Variants in COL4A2 observed in about 807,000 individuals in gnomAD.
COL4A2 encodes the protein collagen alpha-2(IV) chain.
Under a neutral mutation model 200.2 loss-of-function variants are expected in COL4A2, and 99 were observed. The observed-to-expected ratio is 0.49, with a 90% CI of 0.42 to 0.58. The LOEUF is 0.58. Ranked by LOEUF, COL4A2 falls within the 20% of genes least tolerant of loss-of-function variation. The pLI is 0.00. For synonymous variants in COL4A2, 897 were observed against 900.6 expected, an observed-to-expected ratio of 1.00 and a Z score of 0.07; for missense variants, 1,950 against 2,314.1, an observed-to-expected ratio of 0.84 and a Z score of 3.23.
chr13:110,317,556 TA>T (rs113880865), intron 3 of COL4A2, among the ~76,000 whole-genome samples: 14,720 of 152,112 alleles, frequency 0.097, 856 homozygotes, highest in Middle Eastern at 0.23. Flanking sequence ...GGTGACTGAG[TA>T]GCCTCATGAA....
Position 110,499,704 on chromosome 13 carries a change from G to A in COL4A2, c.3761-1964G>A, listed in dbSNP as rs985463413. ...ACTCTTTTATGTCAGTACTTAGGACGATCCATGGGGGCTACTGAGAAATCA... is the reference window on the plus strand; with the variant it reads ...ACTCTTTTATGTCAGTACTTAGGACAATCCATGGGGGCTACTGAGAAATCA... On this transcript the variant is annotated intron_variant, in intron 40 of 47. Transcript: ENST00000360467. Among the ~76,000 whole-genome samples, 3 of 152,172 alleles carry A rather than the reference G, an allele frequency of 2.0e-5. No homozygotes were observed. In the East Asian group the frequency reaches 5.8e-4, roughly 29 times the overall value.
In COL4A2 at chr13:110,424,984, C is replaced by T. The variant is rs777200276; in HGVS notation, c.347C>T (p.Ala116Val). Residue 116 changes from alanine (A) to valine (V), a missense_variant, in exon 6 of 48, where the codon GCC becomes GTC. By Grantham distance (64) the Ala-to-Val change is moderately conservative (BLOSUM62 0). Coordinates refer to ENST00000360467, the MANE Select transcript of COL4A2 (RefSeq NM_001846.4). Reference protein sequence around the residue: ...GARGVSGFPGADGIPGHPGQG... With the variant: ...GARGVSGFPGVDGIPGHPGQG... Reference sequence around the variant, plus strand: ...AGAGGCGTTTCTGGATTCCCTGGTGCCGATGGAATTCCTGTAAGTTTTATG... The same window carrying T: ...AGAGGCGTTTCTGGATTCCCTGGTGTCGATGGAATTCCTGTAAGTTTTATG... 1 of 1,614,150 alleles carries T rather than the reference C, an allele frequency of 6.2e-7. No individual in the cohort carries two copies. Among genetic ancestry groups the T allele is most frequent in the Admixed American group, 1.7e-5 (1 of 60,020 alleles).
intron 3 of COL4A2, among the ~76,000 whole-genome samples, chr13:110,313,024 A>C (rs1208709545): frequency 6.6e-6 from 1 of 152,162 alleles, no homozygotes; most frequent in East Asian, 1.9e-4. Flanking sequence ...GGGATGAGAA[A>C]GCCCTTCCAG....
intron 27 of COL4A2, 40 bp from the exon 28 acceptor site, chr13:110,469,177 G>T (rs1442303484): frequency 5.7e-5 from 88 of 1,554,420 alleles, no homozygotes; most frequent in Non-Finnish European, 7.4e-5. Flanking sequence ...ATTTATCCTC[G>T]TGGAGCCTGA....
intron 4 of COL4A2, among the ~76,000 whole-genome samples, chr13:110,370,350 G>A (rs567200386): frequency 2.6e-4 from 40 of 152,000 alleles, no homozygotes; most frequent in African/African-American, 7.2e-4. Context: ...TGCAACCTCC[G>A]TCTCCCGGGT....
At chr13:110,463,412 TA>T (rs1882111706) in intron 24 of COL4A2, 1 of 152,210 alleles carries the variant, frequency 6.6e-6, no homozygotes, top group Non-Finnish European at 1.5e-5. Flanking sequence ...GTCACATGTC[TA>T]GGTCCTGGGG....
chr13:110,444,020 C>T (rs1881232174), intron 16 of COL4A2, among the ~76,000 whole-genome samples: 1 of 152,192 alleles, frequency 6.6e-6, no homozygotes, highest in Non-Finnish European at 1.5e-5. Context: ...TCCCCCGAGT[C>T]AGTTGACCTG....
At position 110,395,064 on chromosome 13, in the gene COL4A2, G is replaced by A. The variant is rs540165454; in HGVS notation, c.181-29670G>A. Reference sequence around the variant, plus strand: ...CAGCCTCCATTTTCTACAAAGCCACGGGTCCTCCACAGGGTTGGCCCTAGT... The same window carrying A: ...CAGCCTCCATTTTCTACAAAGCCACAGGTCCTCCACAGGGTTGGCCCTAGT... On this transcript the variant is annotated intron_variant, in intron 4 of 47. Coordinates refer to ENST00000360467, the MANE Select transcript of COL4A2 (RefSeq NM_001846.4). Among the ~76,000 whole-genome samples, 27 of 152,316 alleles carry A rather than the reference G, an allele frequency of 1.8e-4. No homozygotes were observed. In the South Asian group the frequency reaches 1.9e-3, roughly 11 times the overall value.
chr13:110,368,882 A>G (rs1395298266), intron 4 of COL4A2, among the ~76,000 whole-genome samples: 1 of 150,624 alleles, frequency 6.6e-6, no homozygotes, highest in Non-Finnish European at 1.5e-5. Context: ...TAATAGCATT[A>G]GGATGTTTAA....
chr13:110,374,928 T>C (rs1458152243), intron 4 of COL4A2, among the ~76,000 whole-genome samples: 1 of 152,236 alleles, frequency 6.6e-6, no homozygotes, highest in Non-Finnish European at 1.5e-5. Context: ...AGATACTGTG[T>C]AGATCTGCCA....
chr13:110,502,873 T>G (rs1410276635), intron 41 of COL4A2: 3 of 440,200 alleles, frequency 6.8e-6, no homozygotes, highest in African/African-American at 4.1e-5. Flanking sequence ...GATGAGAAAG[T>G]TCTGGAGCTG....
intron 41 of COL4A2, 48 bp from the exon 42 acceptor site, chr13:110,503,073 C>T (rs1883706654): frequency 4.4e-6 from 7 of 1,581,906 alleles, no homozygotes; most frequent in Middle Eastern, 3.4e-4. Flanking sequence ...CCCCCAGGGG[C>T]CTTGGGGCCC....
chr13:110,430,632 A>T (rs1234173322), intron 10 of COL4A2, 25 bp downstream of exon 10: 1 of 1,614,054 alleles, frequency 6.2e-7, no homozygotes, highest in Admixed American at 1.7e-5. Flanking sequence ...ACAGGTGCCC[A>T]CTCTGGGACC....
intron 40 of COL4A2, among the ~76,000 whole-genome samples, chr13:110,501,025 G>A (rs1177258184): frequency 2.6e-5 from 4 of 152,228 alleles, no homozygotes; most frequent in South Asian, 4.1e-4. Context: ...GCTGCAGCAA[G>A]AAGGCAGGAG....
chr13:110,458,403 G>A lies in COL4A2; in HGVS notation c.1433-368G>A, dbSNP rs577327614. 3.7e-4 allele frequency: 116 copies of A among 311,202 alleles called. 5 individuals are homozygous for A. Among genetic ancestry groups the A allele is most frequent in the South Asian group, 2.7e-3 (107 of 39,328 alleles). 19.3% of individuals were successfully genotyped at this position (311,202 alleles called of 1,614,324 possible). A position where few individuals can be genotyped will look rare whatever the true frequency, so the allele number is the denominator to read the frequency against. On this transcript the variant is annotated intron_variant, in intron 21 of 47. Transcript: ENST00000360467. ...CCCTCCCTGACGGCTCCCTGGAGCC[G>A]GCTCCTCCCCTTGGCCCGCAGGCCC...
intron 4 of COL4A2, among the ~76,000 whole-genome samples, chr13:110,380,907 TGCTCTATCTCACAACCACAG>T: frequency 1.0e-5 from 1 of 100,344 alleles, no homozygotes; most frequent in Non-Finnish European, 2.0e-5. Context: ...CACACCCACA[TGCTCTATCTCACAACCACAG>T]GCTCTATCTC....
intron 4 of COL4A2, among the ~76,000 whole-genome samples, chr13:110,370,757 C>T (rs1566497526): frequency 6.6e-6 from 1 of 152,210 alleles, no homozygotes; most frequent in Non-Finnish European, 1.5e-5. Flanking sequence ...CTCTCTCCCT[C>T]TCTCCTACTT....
intron 4 of COL4A2, among the ~76,000 whole-genome samples, chr13:110,404,316 C>G (rs1172847627): frequency 6.6e-6 from 1 of 152,254 alleles, no homozygotes; most frequent in African/African-American, 2.4e-5. Context: ...TGCTACTCCT[C>G]TACAATACCA....
At chr13:110,429,191 G>A (rs1039616509) in intron 7 of COL4A2, 1 of 152,184 alleles carries the variant, frequency 6.6e-6, no homozygotes, top group Non-Finnish European at 1.5e-5. Context: ...GGGGAGGGAA[G>A]AACAGTCATT....
Sources: gnomAD v4.1 joint callset for allele counts (sites outside exome capture counted in the v4.1 genomes callset) on GRCh38, gnomAD v4.1.1 for gene constraint, MANE v1.5 for transcripts, NCBI Gene and HGNC (gene_info 2026-07-23, HGNC 2026-07-21) for gene names.